HHIP: variants seen among roughly 807,000 people sequenced by gnomAD.
The protein encoded by HHIP is hedgehog interacting protein.
A neutral mutation model predicts 74.0 loss-of-function variants in HHIP; 12 were observed. The ratio of observed to expected loss-of-function variants is 0.16; its 90% confidence interval spans 0.10 to 0.26. The LOEUF (loss-of-function observed/expected upper bound fraction) is 0.26, where lower values mean the gene tolerates loss of function less well. Among genes scored for constraint, HHIP ranks in the 10% least tolerant of loss-of-function variants. HHIP has a pLI of 1.00. For synonymous variants in HHIP, 309 were observed against 311.6 expected (o/e 0.99, Z 0.09); for missense variants, 788 against 845.0 (o/e 0.93, Z 0.84).
chr4:144,660,021 T>C, intron 4 of HHIP, 183 bp downstream of exon 4: 1 of 592,880 alleles, frequency 1.7e-6, no homozygotes, highest in Non-Finnish European at 3.0e-6. Context: ...AAATTTCTGT[T>C]ATTTGTTGAC....
intron 4 of HHIP, among the ~76,000 whole-genome samples, chr4:144,702,454 G>A (rs892630436): frequency 1.3e-5 from 2 of 152,222 alleles, no homozygotes; most frequent in African/African-American, 4.8e-5. Flanking sequence ...AAAAGCGCCT[G>A]AAGAGGGTTT....
At chr4:144,704,764 A>G (rs769855801) in intron 4 of HHIP, among the ~76,000 whole-genome samples, 2 of 152,198 alleles carry the variant, frequency 1.3e-5, no homozygotes, top group African/African-American at 2.4e-5. Context: ...ATCACAAACG[A>G]AATCCCACCC....
chr4:144,726,545 C>A (rs993873660), intron 11 of HHIP, among the ~76,000 whole-genome samples: 1 of 152,050 alleles, frequency 6.6e-6, no homozygotes, highest in African/African-American at 2.4e-5. Flanking sequence ...AATTAATGAT[C>A]CAGAAGTTCT....
At chr4:144,710,919 A>G (rs1730279288) in intron 7 of HHIP, among the ~76,000 whole-genome samples, 1 of 152,168 alleles carries the variant, frequency 6.6e-6, no homozygotes, top group South Asian at 2.1e-4. Flanking sequence ...ATATAACTTC[A>G]TTCTTCCCCC....
chr4:144,670,953 T>C (rs1418787498), intron 4 of HHIP, among the ~76,000 whole-genome samples: 1 of 152,064 alleles, frequency 6.6e-6, no homozygotes, highest in African/African-American at 2.4e-5. Context: ...AAACAAAACC[T>C]GAACCGACGT....
chr4:144,708,721 C>T (rs1730214643), intron 7 of HHIP, among the ~76,000 whole-genome samples: 1 of 152,086 alleles, frequency 6.6e-6, no homozygotes, highest in Non-Finnish European at 1.5e-5. Context: ...ATAATAACTG[C>T]CTTGCTATGA....
chr4:144,695,214 T>C (rs1281154372), intron 4 of HHIP, among the ~76,000 whole-genome samples: 1 of 151,836 alleles, frequency 6.6e-6, no homozygotes, highest in African/African-American at 2.4e-5. Flanking sequence ...CATGAGACAC[T>C]GAGAGAAGAA....
At chr4:144,677,518 G>C (rs1729202691) in intron 4 of HHIP, among the ~76,000 whole-genome samples, 1 of 152,112 alleles carries the variant, frequency 6.6e-6, no homozygotes, top group South Asian at 2.1e-4. Flanking sequence ...GGCCACTCAT[G>C]GGTCCCAGAA....
intron 10 of HHIP, among the ~76,000 whole-genome samples, chr4:144,716,881 A>AT (rs1245385976): frequency 4.0e-5 from 6 of 149,168 alleles, no homozygotes; most frequent in African/African-American, 1.5e-4. Context: ...AAAAAAAAAA[A>AT]AAAAAAAGTA....
chr4:144,713,224 C>A (rs1207605448), intron 8 of HHIP, among the ~76,000 whole-genome samples: 1 of 152,096 alleles, frequency 6.6e-6, no homozygotes, highest in Non-Finnish European at 1.5e-5. Context: ...GAAACTGAGG[C>A]ACAGAAAGAT....
chr4:144,684,897 A>G (rs1201499207), intron 4 of HHIP, among the ~76,000 whole-genome samples: 1 of 152,154 alleles, frequency 6.6e-6, no homozygotes, highest in Non-Finnish European at 1.5e-5. Context: ...CATATTTCAA[A>G]TCCTAACTTC....
intron 7 of HHIP, 23 bp from the exon 8 acceptor site, chr4:144,711,927 G>A: frequency 1.9e-6 from 3 of 1,607,640 alleles, no homozygotes; most frequent in Admixed American, 1.7e-5. Flanking sequence ...AGGAATTAAT[G>A]TGTATCCCCT....
intron 4 of HHIP, among the ~76,000 whole-genome samples, chr4:144,702,730 T>C (rs2126648325): frequency 6.6e-6 from 1 of 152,250 alleles, no homozygotes; most frequent in East Asian, 1.9e-4. Flanking sequence ...AATTCTTGTT[T>C]GTAAATTACT....
At position 144,715,404 on chromosome 4, in the gene HHIP, T is replaced by G. The variant is rs775531071; in HGVS notation, c.1652T>G (p.Ile551Ser). The G allele has an allele frequency of 7.4e-6, 12 of 1,613,450 alleles. No individual in the cohort carries two copies. Among genetic ancestry groups the G allele is most frequent in the Non-Finnish European group, 1.0e-5 (12 of 1,179,484 alleles). ...GSCRGYFSGHILGFGEDELGE... is the reference protein window; with the variant it reads ...GSCRGYFSGHSLGFGEDELGE... ...TGTAGAGGCTACTTTTCCGGTCACA[T>G]CTTGGGATTTGGAGAAGATGAACTA... The change falls in exon 10 of 13, where the codon ATC becomes AGC. Residue 551 changes from isoleucine to serine, a missense_variant. Around this residue, in one of 3 missense-constraint regions of HHIP, gnomAD observed 343 missense variants for 347.9 expected, o/e 0.99. Coordinates refer to ENST00000296575, the MANE Select transcript of HHIP (RefSeq NM_022475.3).
At chr4:144,698,568 A>G (rs1043982704) in intron 4 of HHIP, among the ~76,000 whole-genome samples, 2 of 152,312 alleles carry the variant, frequency 1.3e-5, no homozygotes, top group South Asian at 4.1e-4. Context: ...TGGAGGACTG[A>G]AACAGTGAGT....
intron 8 of HHIP, among the ~76,000 whole-genome samples, chr4:144,713,394 C>T (rs1730354777): frequency 6.6e-6 from 1 of 152,046 alleles, no homozygotes; most frequent in Non-Finnish European, 1.5e-5. Context: ...TCATATACAC[C>T]ATAATCACAT....
chr4:144,687,035 A>G (rs1729506041), intron 4 of HHIP, among the ~76,000 whole-genome samples: 2 of 152,176 alleles, frequency 1.3e-5, no homozygotes, highest in African/African-American at 4.8e-5. Flanking sequence ...TCTTCAGGGC[A>G]AGTGTGATTT....
chr4:144,724,695 TAA>T (rs56178205), intron 11 of HHIP, among the ~76,000 whole-genome samples: 79,034 of 144,854 alleles, frequency 0.55, 22,149 homozygotes, highest in South Asian at 0.75. Flanking sequence ...TATATATATA[TAA>T]GTATATATAT....
At position 144,711,988 on chromosome 4, in the gene HHIP, A is replaced by T; in HGVS notation, c.1340A>T (p.Asn447Ile). ...AGACATCCCACTGATATAAACATCA[A>T]TTTAACGATACTGTGTTCAGACTCC... ...VDRHPTDINI[N>I]LTILCSDSNG... The change falls in exon 8 of 13, where the codon AAT (asparagine) becomes ATT (isoleucine). Residue 447 changes from asparagine (N) to isoleucine (I), a missense_variant. Physicochemically the swap from Asn to Ile is moderately radical, Grantham distance 149. Coordinates refer to ENST00000296575, the MANE Select transcript of HHIP (RefSeq NM_022475.3). 1 of 1,612,024 alleles carries T rather than the reference A, an allele frequency of 6.2e-7. No homozygotes were observed. The highest frequency in any genetic ancestry group is 8.5e-7 in the Non-Finnish European group (1 of 1,178,340).
Sources: gnomAD v4.1 joint callset for allele counts (sites outside exome capture counted in the v4.1 genomes callset) on GRCh38, gnomAD v4.1.1 for gene constraint, gnomAD v4.1.1 regional missense constraint, MANE v1.5 for transcripts, NCBI Gene and HGNC (gene_info 2026-07-23, HGNC 2026-07-21) for gene names.